SLIT2: variants seen among roughly 807,000 people sequenced by gnomAD.
SLIT2 encodes the protein slit guidance ligand 2.
In SLIT2, 41 loss-of-function variants were observed where a neutral mutation model predicts 185.7. That is an observed-to-expected ratio of 0.22 (90% confidence interval 0.17 to 0.29). The LOEUF (loss-of-function observed/expected upper bound fraction) is 0.29. Ranked by LOEUF, SLIT2 falls within the 10% of genes least tolerant of loss-of-function variation. The pLI is 1.00. For missense variants in SLIT2, 1,571 were observed against 1,909.0 expected, an observed-to-expected ratio of 0.82 and a Z score of 3.30; for synonymous variants, 693 against 680.2, an observed-to-expected ratio of 1.02 and a Z score of -0.29.
chr4:20,305,002 GT>G (rs1717404354), intron 4 of SLIT2, among the ~76,000 whole-genome samples: 1 of 152,178 alleles, frequency 6.6e-6, no homozygotes, highest in African/African-American at 2.4e-5. Context: ...AAGTAGTTTT[GT>G]TGCTAGTACA....
intron 11 of SLIT2, among the ~76,000 whole-genome samples, chr4:20,511,450 C>G (rs1377665804): frequency 8.0e-6 from 1 of 124,380 alleles, no homozygotes; most frequent in Admixed American, 9.8e-5. Context: ...GAGACGGAGT[C>G]TTGCTCTGTC....
intron 9 of SLIT2, among the ~76,000 whole-genome samples, chr4:20,500,866 A>C (rs1298424530): frequency 1.3e-5 from 2 of 152,192 alleles, no homozygotes; most frequent in African/African-American, 4.8e-5. Context: ...CTACATATGT[A>C]TCTCCTATGT....
intron 9 of SLIT2, among the ~76,000 whole-genome samples, chr4:20,502,049 A>G (rs534047819): frequency 6.6e-6 from 1 of 152,332 alleles, no homozygotes; most frequent in Non-Finnish European, 1.5e-5. Context: ...TTATACATAC[A>G]TATACTCACA....
At chr4:20,585,031 A>C (rs1726933033) in intron 29 of SLIT2, among the ~76,000 whole-genome samples, 1 of 152,102 alleles carries the variant, frequency 6.6e-6, no homozygotes, top group Non-Finnish European at 1.5e-5. Context: ...CTCCAGCCTG[A>C]CTGACAGAGC....
rs1717805680 is a variant in SLIT2 at position 20,491,796 on chromosome 4, T to C, written c.811T>C (p.Leu271=). The part of the protein sequence containing the change: ...QSFMAPSCSV[L]HCPAACTCSN... ...ATTTATGGCTCCTTCTTGTAGTGTT[T>C]TGCACTGCCCTGCCGCCTGTACCTG... The change falls in exon 9 of 37, where the codon TTG becomes CTG. Residue 271 remains leucine, a synonymous_variant. Coordinates refer to ENST00000504154, the MANE Select transcript of SLIT2 (RefSeq NM_004787.4). The C allele has an allele frequency of 6.2e-7, 1 of 1,613,890 alleles. No homozygotes were observed. Among genetic ancestry groups the C allele is most frequent in the African/African-American group, 1.3e-5 (1 of 75,054 alleles).
intron 9 of SLIT2, among the ~76,000 whole-genome samples, chr4:20,500,924 A>C (rs1017163019): frequency 2.0e-5 from 3 of 152,146 alleles, no homozygotes; most frequent in African/African-American, 7.2e-5. Flanking sequence ...CTTGCCTAGA[A>C]ATGTCATTAA....
intron 5 of SLIT2, among the ~76,000 whole-genome samples, chr4:20,472,317 T>TATATAGATATATAG (rs372707093): frequency 9.4e-5 from 3 of 32,048 alleles, no homozygotes; most frequent in African/African-American, 5.5e-4. Flanking sequence ...TATATATAGA[T>TATATAGATATATAG]ATATATATCT....
intron 4 of SLIT2, among the ~76,000 whole-genome samples, chr4:20,285,464 G>T (rs1324598305): frequency 6.6e-6 from 1 of 152,190 alleles, no homozygotes; most frequent in Non-Finnish European, 1.5e-5. Context: ...TCAGAAAACT[G>T]AGATAAGCAC....
chr4:20,389,925 A>G (rs1725282330), intron 4 of SLIT2, among the ~76,000 whole-genome samples: 1 of 152,088 alleles, frequency 6.6e-6, no homozygotes, highest in Non-Finnish European at 1.5e-5. Flanking sequence ...TGGTTTTCCA[A>G]TCATCCGATA....
intron 35 of SLIT2, 75 bp downstream of exon 35, chr4:20,617,273 A>T (rs1729736125): frequency 1.3e-6 from 1 of 763,582 alleles, no homozygotes; most frequent in Non-Finnish European, 2.0e-6. Context: ...GAAGGAAAGA[A>T]GAAGGGGAGG....
intron 4 of SLIT2, among the ~76,000 whole-genome samples, chr4:20,294,329 A>G (rs1312203921): frequency 4.0e-5 from 6 of 150,764 alleles, no homozygotes; most frequent in African/African-American, 1.5e-4. Context: ...ATCCTGGATG[A>G]CAGAGTGAGA....
chr4:20,477,952 AG>A (rs34079448), intron 5 of SLIT2, among the ~76,000 whole-genome samples: 1 of 152,216 alleles, frequency 6.6e-6, no homozygotes, highest in Non-Finnish European at 1.5e-5. Context: ...AGAAGTACCC[AG>A]GGCTTGAAAG....
chr4:20,604,223 T>A (rs1578009519), intron 33 of SLIT2, among the ~76,000 whole-genome samples: 2 of 152,226 alleles, frequency 1.3e-5, no homozygotes, highest in Non-Finnish European at 2.9e-5. Flanking sequence ...TATGTTCAAG[T>A]TTAGAGAAGC....
chr4:20,281,732 ACT>A (rs1476674867), intron 4 of SLIT2, among the ~76,000 whole-genome samples: 3 of 152,092 alleles, frequency 2.0e-5, no homozygotes, highest in African/African-American at 7.2e-5. Flanking sequence ...AAAAGGAAAT[ACT>A]CTTTCTCCTC....
At chr4:20,486,921 T>C (rs948654825) in intron 7 of SLIT2, among the ~76,000 whole-genome samples, 2 of 151,980 alleles carry the variant, frequency 1.3e-5, no homozygotes, top group Non-Finnish European at 2.9e-5. Context: ...AATTTCAGAA[T>C]CACCTTGACC....
rs1395767465 is a variant in SLIT2, at chr4:20,252,384, A to T, written c.-1432A>T. Among the ~76,000 whole-genome samples, 1 of 152,062 alleles carries T rather than the reference A, an allele frequency of 6.6e-6. No homozygotes were observed. The highest frequency in any genetic ancestry group is 2.4e-5 in the African/African-American group (1 of 41,408). ...CGCTCCCTGGAGCGGGAGGCCAGGA[A>T]AGCAGCGGGAGAGGGGAAGGGGCTA... On this transcript the variant is annotated 5_prime_UTR_variant, in exon 1 of 37. Coordinates refer to ENST00000504154, the MANE Select transcript of SLIT2 (RefSeq NM_004787.4).
At chr4:20,452,025 T>C (rs1712530359) in intron 4 of SLIT2, among the ~76,000 whole-genome samples, 1 of 152,230 alleles carries the variant, frequency 6.6e-6, no homozygotes, top group African/African-American at 2.4e-5. Flanking sequence ...AATCATATGA[T>C]CTGACATGGT....
At chr4:20,448,479 C>G (rs993025868) in intron 4 of SLIT2, among the ~76,000 whole-genome samples, 1 of 151,856 alleles carries the variant, frequency 6.6e-6, no homozygotes, top group African/African-American at 2.4e-5. Flanking sequence ...AGCAACTACA[C>G]CCAGCCAATT....
intron 34 of SLIT2, among the ~76,000 whole-genome samples, chr4:20,613,745 A>G (rs1052907011): frequency 1.3e-5 from 2 of 152,224 alleles, no homozygotes; most frequent in Middle Eastern, 3.2e-3. Context: ...ATGCTGCCCA[A>G]GGAGGACTGC....
Sources: gnomAD v4.1 joint callset for allele counts (sites outside exome capture counted in the v4.1 genomes callset) on GRCh38, gnomAD v4.1.1 for gene constraint, MANE v1.5 for transcripts, NCBI Gene and HGNC (gene_info 2026-07-23, HGNC 2026-07-21) for gene names.